The following SLC27A1 variants were observed in gnomAD, a reference collection of about 807,000 sequenced individuals.
SLC27A1 encodes solute carrier family 27 member 1.
Under a neutral mutation model 62.2 loss-of-function variants are expected in SLC27A1, and 61 were observed. The ratio of observed to expected loss-of-function variants is 0.98; its 90% CI spans 0.80 to 1.21. SLC27A1 has a LOEUF of 1.21. SLC27A1 is among the 50% of genes most tolerant of loss of function. The pLI, the probability that SLC27A1 is intolerant of heterozygous loss-of-function variation, is 0.00. For synonymous variants in SLC27A1, 435 were observed against 408.6 expected (o/e 1.06, Z -0.78); for missense variants, 903 against 932.1 (o/e 0.97, Z 0.41).
In SLC27A1 at chr19:17,486,865, T is replaced by C; in HGVS notation, c.470T>C (p.Leu157Pro). 2 of 1,586,124 alleles carry C rather than the reference T, an allele frequency of 1.3e-6. No individual in the cohort carries two copies. The highest frequency in any genetic ancestry group is 1.7e-6 in the Non-Finnish European group (2 of 1,173,024). The change falls in exon 2 of 12, where the codon CTG becomes CCG. Residue 157 changes from leucine (L) to proline (P), a missense_variant. Physicochemically the swap from Leu to Pro is moderately conservative, Grantham distance 98. Coordinates refer to ENST00000252595, the MANE Select transcript of SLC27A1 (RefSeq NM_198580.3). This position sits in a 1 kb window ranked among gnomAD's most constrained non-coding sequence, Gnocchi z 6.6. Reference sequence around the variant, plus strand: ...GCCAAGGCGGGCATGGAGGCCGCGCTGCTCAACGTGAACCTGCGGCGCGAG... The same window carrying C: ...GCCAAGGCGGGCATGGAGGCCGCGCCGCTCAACGTGAACCTGCGGCGCGAG... Reference protein sequence around the residue: ...GLAKAGMEAALLNVNLRREPL... With the variant: ...GLAKAGMEAAPLNVNLRREPL...
Position 17,504,360 on chromosome 19 carries a change from TGTGGGAA to T in SLC27A1, c.1784-93_1784-87del, listed in dbSNP as rs1358930077. On this transcript the variant is annotated intron_variant, in intron 11 of 11. Coordinates refer to ENST00000252595, the MANE Select transcript of SLC27A1 (RefSeq NM_198580.3). Reference sequence around the variant, plus strand: ...GAACATTCCTGCCCAGGGGACAGCCTGTGGGAAGGTCCAGAGGTGCAGGAGAGGATAT... The same window carrying T: ...GAACATTCCTGCCCAGGGGACAGCCTGGTCCAGAGGTGCAGGAGAGGATAT... 25 of 1,445,086 alleles carry T rather than the reference TGTGGGAA, an allele frequency of 1.7e-5. No individual in the cohort carries two copies. In the Admixed American group the frequency reaches 4.3e-4, roughly 25 times the overall value. The allele number at this position is 1,445,086 out of a possible 1,614,324, so 89.5% of individuals were successfully genotyped here. A position where few individuals can be genotyped will look rare whatever the true frequency, so the allele number is the denominator to read the frequency against.
rs193262179 is a variant in SLC27A1, at chr19:17,505,361, C to G, written c.*749C>G. ...CTCTCGGCTGTGCCTTACGGAGCCCCGATCCAGGCCTCCTGTGGCTGTTGG... is the reference window on the plus strand; with the variant it reads ...CTCTCGGCTGTGCCTTACGGAGCCCGGATCCAGGCCTCCTGTGGCTGTTGG... On this transcript the variant is annotated 3_prime_UTR_variant, in exon 12 of 12. Transcript: ENST00000252595. 8.2e-3 allele frequency: 1,327 copies of G among 161,990 alleles called. 16 individuals are homozygous for G. Among genetic ancestry groups the G allele is most frequent in the African/African-American group, 0.029 (1,195 of 41,596 alleles). The allele number at this position is 161,990 out of a possible 1,614,324, so 10.0% of individuals were successfully genotyped here.
At chr19:17,470,745 G>T in intron 1 of SLC27A1, 38 bp downstream of exon 1, 1 of 1,532,058 alleles carries the variant, frequency 6.5e-7, no homozygotes. Context: ...CTGGGGGCGG[G>T]GCTGAGGGCT....
chr19:17,484,515 C>T (rs2144569091), intron 1 of SLC27A1, among the ~76,000 whole-genome samples: 1 of 152,024 alleles, frequency 6.6e-6, no homozygotes, highest in East Asian at 1.9e-4. Flanking sequence ...TTGCTTGAGC[C>T]TGGGAGGTCT....
Position 17,500,375 on chromosome 19 carries a change from C to A in SLC27A1, c.1304C>A (p.Ala435Asp). 1.9e-6 allele frequency: 3 copies of A among 1,614,102 alleles called. No homozygotes were observed. The highest frequency in any genetic ancestry group is 2.5e-6 in the Non-Finnish European group (3 of 1,179,970). ...GACACAATGGAGCTGCTGCGGGATGCCCAGGGCCTCTGCATCCCCTGCCAG... is the reference window on the plus strand; with the variant it reads ...GACACAATGGAGCTGCTGCGGGATGACCAGGGCCTCTGCATCCCCTGCCAG... Reference protein sequence around the residue: ...NEDTMELLRDAQGLCIPCQAG... With the variant: ...NEDTMELLRDDQGLCIPCQAG... Residue 435 changes from alanine (A) to aspartate (D), a missense_variant, in exon 8 of 12, where the codon GCC (alanine) becomes GAC (aspartate). Transcript: ENST00000252595.
rs1469652866 is a variant in SLC27A1, at chr19:17,487,265, C to T, written c.654C>T (p.His218=). The change falls in exon 3 of 12, where the codon CAC becomes CAT. Residue 218 remains histidine, a synonymous_variant. Coordinates refer to ENST00000252595, the MANE Select transcript of SLC27A1 (RefSeq NM_198580.3). The part of the protein sequence containing the change: ...LGPEGILPDT[H]LLDPLLKEAS... ...CCGAGGGCATCTTGCCGGACACCCA[C>T]CTCCTGGACCCGCTGCTGAAGGAGG... 6.2e-7 allele frequency: 1 copy of T among 1,613,990 alleles called. No individual in the cohort carries two copies. Among genetic ancestry groups the T allele is most frequent in the East Asian group, 2.2e-5 (1 of 44,870 alleles).
chr19:17,482,989 T>G (rs569099867), intron 1 of SLC27A1, among the ~76,000 whole-genome samples: 1 of 150,406 alleles, frequency 6.6e-6, no homozygotes, highest in African/African-American at 2.5e-5. Flanking sequence ...AATGAATGAA[T>G]GAGGGAATGA....
Position 17,491,881 on chromosome 19 carries a change from T to A in SLC27A1, c.996+2764T>A, listed in dbSNP as rs371899363. 1.8e-3 allele frequency among the ~76,000 whole-genome samples: 272 copies of A among 151,450 alleles called. 4 individuals carry two copies. Among genetic ancestry groups the A allele is most frequent in the African/African-American group, 6.3e-3 (261 of 41,234 alleles). On this transcript the variant is annotated intron_variant, in intron 6 of 11. Coordinates refer to ENST00000252595, the MANE Select transcript of SLC27A1 (RefSeq NM_198580.3). ...AGAGCAAGCCCCTATCTCAAAAAAATAAAAAAAAGAAAAGAAAAGAAAAGA... is the reference window on the plus strand; with the variant it reads ...AGAGCAAGCCCCTATCTCAAAAAAAAAAAAAAAAGAAAAGAAAAGAAAAGA...
rs1217513242 is a variant in SLC27A1, at chr19:17,499,454, C to T, written c.1207-824C>T. On this transcript the variant is annotated intron_variant, in intron 7 of 11. Coordinates refer to ENST00000252595, the MANE Select transcript of SLC27A1 (RefSeq NM_198580.3). ...TGTCTATGATCTAGATCTAGTATAA[C>T]TCTTGTTGTTTTATATATTTTATTA... is the stretch of plus-strand genomic sequence containing the variant. 3 of 151,448 alleles carry T rather than the reference C, an allele frequency of 2.0e-5. No homozygotes were observed. In the Admixed American group the frequency reaches 2.0e-4, roughly 10 times the overall value. 9.4% of individuals were successfully genotyped at this position (151,448 alleles called of 1,614,324 possible).
chr19:17,470,096 G>T (rs893966866), upstream of SLC27A1, among the ~76,000 whole-genome samples: 2 of 152,152 alleles, frequency 1.3e-5, no homozygotes, highest in Non-Finnish European at 2.9e-5. Context: ...GGGTAATTCG[G>T]GGATCGAGGA....
intron 11 of SLC27A1, among the ~76,000 whole-genome samples, chr19:17,502,995 T>A (rs2144625186): frequency 6.6e-6 from 1 of 152,232 alleles, no homozygotes; most frequent in South Asian, 2.1e-4. Flanking sequence ...GGCCTCACCA[T>A]CATGGCAGAA....
chr19:17,481,782 C>T (rs913727762), intron 1 of SLC27A1, among the ~76,000 whole-genome samples: 3 of 152,230 alleles, frequency 2.0e-5, no homozygotes, highest in Non-Finnish European at 4.4e-5. Context: ...GCTGGGATTA[C>T]AGGCATGAGC....
intron 10 of SLC27A1, 84 bp from the exon 11 acceptor site, chr19:17,501,189 G>A: frequency 3.2e-6 from 5 of 1,542,100 alleles, no homozygotes; most frequent in Non-Finnish European, 4.4e-6. Context: ...TTACAGACCA[G>A]GGGCTACTGC....
In SLC27A1 at chr19:17,500,848, C is replaced by A; in HGVS notation, c.1608C>A (p.Asp536Glu). The A allele has an allele frequency of 1.2e-6, 2 of 1,610,714 alleles. No individual in the cohort carries two copies. Among genetic ancestry groups the A allele is most frequent in the Non-Finnish European group, 1.7e-6 (2 of 1,178,920 alleles). The change falls in exon 10 of 12, where the codon GAC becomes GAA. Residue 536 changes from aspartate (D) to glutamate (E), a missense_variant. Asp to Glu is a conservative substitution (Grantham distance 45). Transcript: ENST00000252595. ...GVLSRLLGQTDVAVYGVAVPG... is the reference protein window; with the variant it reads ...GVLSRLLGQTEVAVYGVAVPG... ...TGAGCCGCCTGCTGGGCCAGACAGA[C>A]GTGGCCGTCTATGGGGTGGCTGTTC...
chr19:17,498,628 CAA>C lies in SLC27A1; in HGVS notation c.1206+1166_1206+1167del, dbSNP rs778515342. The C allele has an allele frequency of 2.2e-5, 5 of 230,618 alleles. No homozygotes were observed. In the South Asian group the frequency reaches 6.1e-4, roughly 28 times the overall value. 14.3% of individuals were successfully genotyped at this position (230,618 alleles called of 1,614,324 possible). On this transcript the variant is annotated intron_variant, in intron 7 of 11. Transcript: ENST00000252595. ...AGATTGTAGAAATAAAGACACAAGA[CAA>C]AGAGATGAAAGAAAAGACAGCTGGG... is the stretch of plus-strand genomic sequence containing the variant.
At position 17,501,309 on chromosome 19, in the gene SLC27A1, A is replaced by G; in HGVS notation, c.1673A>G (p.Asp558Gly). The change falls in exon 11 of 12, where the codon GAC (aspartate) becomes GGC (glycine). Residue 558 changes from aspartate to glycine, a missense_variant. Transcript: ENST00000252595. ...EGKAGMAAVA[D>G]PHSLLDPNAI... ...AAGGCAGGGATGGCGGCCGTCGCAG[A>G]CCCCCACAGCCTGCTGGACCCCAAC... 1.2e-6 allele frequency: 2 copies of G among 1,613,036 alleles called. No individual in the cohort carries two copies. Among genetic ancestry groups the G allele is most frequent in the South Asian group, 2.2e-5 (2 of 91,014 alleles).
chr19:17,489,130 C>A lies in SLC27A1; in HGVS notation c.996+13C>A, dbSNP rs1369314408. On this transcript the variant is annotated intron_variant, in intron 6 of 11. Coordinates refer to ENST00000252595, the MANE Select transcript of SLC27A1 (RefSeq NM_198580.3). Reference sequence around the variant, plus strand: ...GTACAACTGCACGGTCAGGCCCTGCCCTGTTCTGTCTAGACCCCGCCCCTC... The same window carrying A: ...GTACAACTGCACGGTCAGGCCCTGCACTGTTCTGTCTAGACCCCGCCCCTC... The A allele has an allele frequency of 3.1e-6, 5 of 1,611,332 alleles. No homozygotes were observed. The highest frequency in any genetic ancestry group is 4.2e-6 in the Non-Finnish European group (5 of 1,178,348).
At chr19:17,478,033 C>A (rs1205711987) in intron 1 of SLC27A1, among the ~76,000 whole-genome samples, 1 of 152,110 alleles carries the variant, frequency 6.6e-6, no homozygotes, top group Non-Finnish European at 1.5e-5. Context: ...TGACATTGAA[C>A]TCAACTAGCA....
chr19:17,489,201 G>C (rs2075270502), intron 6 of SLC27A1, 84 bp downstream of exon 6: 1 of 1,136,674 alleles, frequency 8.8e-7, no homozygotes, highest in African/African-American at 1.5e-5. Context: ...CCTCCTCCCG[G>C]TGAGGCCCCG....
Sources: gnomAD v4.1 joint callset for allele counts (sites outside exome capture counted in the v4.1 genomes callset) on GRCh38, gnomAD v4.1.1 for gene constraint, Gnocchi (gnomAD v3.1) non-coding constraint, MANE v1.5 for transcripts, NCBI Gene and HGNC (gene_info 2026-07-23, HGNC 2026-07-21) for gene names.